MAGEA11: variants seen among roughly 807,000 people sequenced by gnomAD.
MAGEA11 encodes melanoma-associated antigen 11.
A neutral mutation model predicts 8.4 loss-of-function variants in MAGEA11; 1 was observed. The observed-to-expected ratio is 0.12, with a 90% CI of 0.04 to 0.57. The LOEUF is 0.57. Among genes scored for constraint, MAGEA11 ranks in the 20% least tolerant of loss-of-function variants. The pLI is 0.91. For missense variants in MAGEA11, 209 were observed against 317.3 expected (o/e 0.66, Z 2.59); for synonymous variants, 127 against 119.3 (o/e 1.06, Z -0.42).
chrX:149,690,395 T>C (rs150753396), intron 1 of MAGEA11, among the ~76,000 whole-genome samples: 1,576 of 112,601 alleles, frequency 0.014, 24 homozygotes, highest in African/African-American at 0.037. Context: ...TAATAAACGA[T>C]GAGTGTTTTT....
At chrX:149,699,483 G>T (rs1217592478) in intron 1 of MAGEA11, among the ~76,000 whole-genome samples, 1 of 112,104 alleles carries the variant, frequency 8.9e-6, no homozygotes, top group Admixed American at 9.5e-5. Context: ...TGTAAAGTTA[G>T]TCCCTGAAAG....
intron 1 of MAGEA11, among the ~76,000 whole-genome samples, chrX:149,690,529 CG>C (rs1311448620): frequency 8.9e-6 from 1 of 112,223 alleles, no homozygotes; most frequent in African/African-American, 3.2e-5. Flanking sequence ...TAAAAACCAA[CG>C]GTATACTTCC....
chrX:149,714,632 C>T (rs1557362277), intron 3 of MAGEA11, 56 bp downstream of exon 3: 1 of 1,189,185 alleles, frequency 8.4e-7, no homozygotes, highest in Non-Finnish European at 1.1e-6. Flanking sequence ...CAGAGGGCTG[C>T]TTAGAAATCT....
chrX:149,702,437 C>T (rs1241949039), intron 1 of MAGEA11, among the ~76,000 whole-genome samples: 1 of 111,244 alleles, frequency 9.0e-6, no homozygotes, highest in Non-Finnish European at 1.9e-5. Context: ...TCTCTAGTAA[C>T]AACTTTTATT....
Position 149,716,825 on chromosome X carries a change from G to A in MAGEA11, c.*49G>A. On this transcript the variant is annotated 3_prime_UTR_variant, in exon 5 of 5. Coordinates refer to ENST00000355220, the MANE Select transcript of MAGEA11 (RefSeq NM_005366.5). The stretch of plus-strand genomic sequence containing the variant: ...CGGGCAGGGAAATGGGCCAATGCAT[G>A]CTTCAGGGCCACACCCAGCAGTTTC... 9.2e-7 allele frequency: 1 copy of A among 1,092,093 alleles called. No individual in the cohort carries two copies. The highest frequency in any genetic ancestry group is 1.2e-6 in the Non-Finnish European group (1 of 809,541). 90.0% of individuals were successfully genotyped at this position (1,092,093 alleles called of 1,213,427 possible).
intron 3 of MAGEA11, among the ~76,000 whole-genome samples, chrX:149,714,884 C>G (rs781968184): frequency 9.0e-6 from 1 of 111,345 alleles, no homozygotes; most frequent in Non-Finnish European, 1.9e-5. Flanking sequence ...TGGGAAGTCC[C>G]TGGGACCATG....
At chrX:149,691,684 A>G (rs189182513) in intron 1 of MAGEA11, among the ~76,000 whole-genome samples, 6 of 112,099 alleles carry the variant, frequency 5.4e-5, no homozygotes, top group East Asian at 5.6e-4. Flanking sequence ...CCTCAAACCC[A>G]TGTAAGCTCT....
At chrX:149,703,464 T>G (rs1205291704) in intron 1 of MAGEA11, among the ~76,000 whole-genome samples, 2 of 111,551 alleles carry the variant, frequency 1.8e-5, no homozygotes, top group East Asian at 2.8e-4. Flanking sequence ...TGGCATTCAG[T>G]GTGTTCACCT....
chrX:149,692,705 A>C (rs1397605840), intron 1 of MAGEA11, among the ~76,000 whole-genome samples: 1 of 111,549 alleles, frequency 9.0e-6, no homozygotes, highest in Non-Finnish European at 1.9e-5. Context: ...ATTCTTTAAC[A>C]TGTCGATATG....
At chrX:149,692,905 G>A (rs1440825734) in intron 1 of MAGEA11, among the ~76,000 whole-genome samples, 1 of 111,735 alleles carries the variant, frequency 8.9e-6, no homozygotes, top group Non-Finnish European at 1.9e-5. Context: ...CTTTTTGCTT[G>A]CTGCCATCCA....
chrX:149,698,024 T>G (rs1410185146), intron 1 of MAGEA11, among the ~76,000 whole-genome samples: 9 of 112,683 alleles, frequency 8.0e-5, no homozygotes, highest in Admixed American at 4.7e-4. Context: ...ATTAATCAAT[T>G]AAACCTCTTT....
At chrX:149,709,009 C>T (rs782211470), upstream of MAGEA11, among the ~76,000 whole-genome samples, 166 of 109,348 alleles carry the variant, frequency 1.5e-3, no homozygotes, top group African/African-American at 5.0e-3. Flanking sequence ...AAAAATGGCC[C>T]GGCGCAGTGG....
intron 1 of MAGEA11, among the ~76,000 whole-genome samples, chrX:149,694,384 A>G (rs2090322105): frequency 8.9e-6 from 1 of 112,181 alleles, no homozygotes. Context: ...GTCTATTCAA[A>G]TCCTTTGCTC....
At chrX:149,696,539 G>T (rs1226738878) in intron 1 of MAGEA11, among the ~76,000 whole-genome samples, 1 of 111,366 alleles carries the variant, frequency 9.0e-6, no homozygotes, top group Non-Finnish European at 1.9e-5. Flanking sequence ...GATGGCAGGA[G>T]AAGAATGGGA....
upstream of MAGEA11, among the ~76,000 whole-genome samples, chrX:149,707,574 AT>A (rs782130494): frequency 4.5e-5 from 5 of 112,126 alleles, no homozygotes; most frequent in African/African-American, 1.6e-4. Flanking sequence ...AAATCATGAA[AT>A]TTTACTGGTT....
chrX:149,701,171 C>T (rs2090351527), intron 1 of MAGEA11, among the ~76,000 whole-genome samples: 1 of 110,738 alleles, frequency 9.0e-6, no homozygotes, highest in Non-Finnish European at 1.9e-5. Flanking sequence ...AACTAGGTTA[C>T]AGTCCCACCA....
At chrX:149,697,501 C>T (rs781848289) in intron 1 of MAGEA11, among the ~76,000 whole-genome samples, 8 of 110,510 alleles carry the variant, frequency 7.2e-5, no homozygotes, top group African/African-American at 2.0e-4. Flanking sequence ...GAGGTCTTTT[C>T]GAGGCTGATG....
chrX:149,703,892 T>C (rs1405598477), intron 1 of MAGEA11, among the ~76,000 whole-genome samples: 2 of 112,105 alleles, frequency 1.8e-5, no homozygotes, highest in South Asian at 3.7e-4. Context: ...CACTCTGAAG[T>C]TGTACTATTA....
chrX:149,710,798 C>T (rs191364534), upstream of MAGEA11, among the ~76,000 whole-genome samples: 1 of 109,496 alleles, frequency 9.1e-6, no homozygotes, highest in African/African-American at 3.3e-5. Flanking sequence ...CTATCTTAGA[C>T]TCCCCAAAAC....
Sources: allele counts gnomAD v4.1 joint callset (sites outside exome capture counted in the v4.1 genomes callset), GRCh38; gene constraint gnomAD v4.1.1; transcripts MANE v1.5; gene names NCBI Gene and HGNC (gene_info 2026-07-23, HGNC 2026-07-21).